The following KCNMB4 variants were observed in gnomAD, a reference collection of about 807,000 sequenced individuals.
The protein encoded by KCNMB4 is calcium-activated potassium channel subunit beta-4.
A neutral mutation model predicts 20.7 loss-of-function variants in KCNMB4; 3 were observed. That is an observed-to-expected ratio of 0.14 (90% CI 0.07 to 0.37). KCNMB4 has a LOEUF of 0.37. Ranked by LOEUF, KCNMB4 falls within the 10% of genes least tolerant of loss-of-function variation. The pLI is 1.00. For synonymous variants in KCNMB4, 110 were observed against 113.4 expected, an observed-to-expected ratio of 0.97 and a Z score of 0.19; for missense variants, 168 against 265.9, an observed-to-expected ratio of 0.63 and a Z score of 2.56.
At chr12:70,400,110 A>C in intron 1 of KCNMB4, 99 bp from the exon 2 acceptor site, 2 of 929,184 alleles carry the variant, frequency 2.2e-6, no homozygotes. Context: ...GGCCTAAATT[A>C]GATTTACTGT....
At chr12:70,418,596 G>A (rs745911168) in intron 2 of KCNMB4, among the ~76,000 whole-genome samples, 13 of 152,124 alleles carry the variant, frequency 8.5e-5, no homozygotes, top group South Asian at 2.1e-4. Flanking sequence ...ACAAAGGCGC[G>A]TGCTAACTTT....
chr12:70,383,266 TTTTA>T (rs879725238), intron 1 of KCNMB4, among the ~76,000 whole-genome samples: 25 of 152,172 alleles, frequency 1.6e-4, no homozygotes, highest in Non-Finnish European at 2.4e-4. Flanking sequence ...TATGTGCAAT[TTTTA>T]TTTGTCAAGT....
intron 1 of KCNMB4, among the ~76,000 whole-genome samples, chr12:70,376,292 A>C (rs11178205): frequency 0.025 from 3,739 of 152,150 alleles, 65 homozygotes; most frequent in Non-Finnish European, 0.039. Context: ...GAAGAAGACG[A>C]GGATGTCCAC....
chr12:70,393,386 AG>A (rs1868317927), intron 1 of KCNMB4, among the ~76,000 whole-genome samples: 2 of 152,114 alleles, frequency 1.3e-5, no homozygotes, highest in Non-Finnish European at 2.9e-5. Flanking sequence ...TTGTTTTAGT[AG>A]AGAAGGAGTT....
intron 2 of KCNMB4, among the ~76,000 whole-genome samples, chr12:70,408,065 T>C (rs1868661425): frequency 6.6e-6 from 1 of 152,174 alleles, no homozygotes; most frequent in African/African-American, 2.4e-5. Context: ...TCAGAACGGA[T>C]ACACATTCCC....
intron 2 of KCNMB4, among the ~76,000 whole-genome samples, chr12:70,424,854 A>C (rs1869166510): frequency 6.6e-6 from 1 of 152,050 alleles, no homozygotes; most frequent in African/African-American, 2.4e-5. Flanking sequence ...CCTTCCTGTG[A>C]TTGCATAGGA....
intron 2 of KCNMB4, among the ~76,000 whole-genome samples, chr12:70,401,226 A>G (rs530003531): frequency 1.1e-4 from 17 of 152,206 alleles, no homozygotes; most frequent in African/African-American, 4.1e-4. Flanking sequence ...GGGTTTCACC[A>G]TGTTGACCAG....
intron 1 of KCNMB4, among the ~76,000 whole-genome samples, chr12:70,390,816 G>A (rs575162279): frequency 1.9e-4 from 29 of 152,234 alleles, no homozygotes; most frequent in African/African-American, 4.3e-4. Flanking sequence ...CACTAACTTG[G>A]ACCAAAACTT....
intron 1 of KCNMB4, among the ~76,000 whole-genome samples, chr12:70,395,447 T>C (rs1868342592): frequency 6.6e-6 from 1 of 152,132 alleles, no homozygotes; most frequent in Non-Finnish European, 1.5e-5. Flanking sequence ...TGCAGTCCTC[T>C]CAAGACACTT....
chr12:70,427,627 G>A (rs908289958), intron 2 of KCNMB4, among the ~76,000 whole-genome samples: 12 of 152,186 alleles, frequency 7.9e-5, no homozygotes, highest in African/African-American at 2.7e-4. Context: ...AAGCGCTCTG[G>A]TAGGAGGTGG....
At chr12:70,393,835 C>T (rs1455859179) in intron 1 of KCNMB4, among the ~76,000 whole-genome samples, 1 of 98,176 alleles carries the variant, frequency 1.0e-5, no homozygotes, top group Non-Finnish European at 1.9e-5. Context: ...TGCCCCTTGT[C>T]CTCCAAGGCA....
chr12:70,404,684 T>TG (rs1386853732), intron 2 of KCNMB4, among the ~76,000 whole-genome samples: 1 of 152,174 alleles, frequency 6.6e-6, no homozygotes. Context: ...CAACAGAACT[T>TG]AATGACAATG....
At chr12:70,429,921 A>G (rs1459527860) in intron 2 of KCNMB4, among the ~76,000 whole-genome samples, 1 of 152,202 alleles carries the variant, frequency 6.6e-6, no homozygotes, top group Non-Finnish European at 1.5e-5. Flanking sequence ...AAAGGCACTC[A>G]TTCAGCCATT....
intron 1 of KCNMB4, among the ~76,000 whole-genome samples, chr12:70,387,927 A>AT (rs975566955): frequency 7.2e-5 from 11 of 151,934 alleles, no homozygotes; most frequent in Non-Finnish European, 1.6e-4. Flanking sequence ...CATTCTTTTT[A>AT]TTTTTATTTT....
At chr12:70,414,568 G>A (rs1868866224) in intron 2 of KCNMB4, among the ~76,000 whole-genome samples, 1 of 152,160 alleles carries the variant, frequency 6.6e-6, no homozygotes, top group Non-Finnish European at 1.5e-5. Flanking sequence ...TGTGCCCTGA[G>A]CTGGCCAGTG....
At chr12:70,398,948 G>C (rs976019682) in intron 1 of KCNMB4, among the ~76,000 whole-genome samples, 6 of 152,158 alleles carry the variant, frequency 3.9e-5, no homozygotes, top group Admixed American at 3.9e-4. Flanking sequence ...CCTCAAGTAG[G>C]TAACACCAAA....
chr12:70,425,678 G>A (rs751087011), intron 2 of KCNMB4, among the ~76,000 whole-genome samples: 4 of 152,178 alleles, frequency 2.6e-5, no homozygotes, highest in Non-Finnish European at 4.4e-5. Context: ...GTCTTCTTTG[G>A]TTTTCATTAT....
chr12:70,409,156 G>A (rs1049736594), intron 2 of KCNMB4, among the ~76,000 whole-genome samples: 6 of 152,070 alleles, frequency 3.9e-5, no homozygotes, highest in Non-Finnish European at 8.8e-5. Flanking sequence ...TATACCTCTG[G>A]ATAGTAGGTC....
At chr12:70,373,547 G>A (rs1186927271) in intron 1 of KCNMB4, among the ~76,000 whole-genome samples, 3 of 152,182 alleles carry the variant, frequency 2.0e-5, no homozygotes. Context: ...TTAGCCCAGT[G>A]AGACACATTC....
Sources: allele counts gnomAD v4.1 joint callset (sites outside exome capture counted in the v4.1 genomes callset), GRCh38; gene constraint gnomAD v4.1.1; transcripts MANE v1.5; gene names NCBI Gene and HGNC (gene_info 2026-07-23, HGNC 2026-07-21).